ELAVL4: variants seen among roughly 807,000 people sequenced by gnomAD.
The protein encoded by ELAVL4 is ELAV-like protein 4.
In ELAVL4, 1 loss-of-function variant was observed where a neutral mutation model predicts 35.6. The observed-to-expected ratio is 0.03, with a 90% CI of 0.01 to 0.13. The LOEUF is 0.13. ELAVL4 is among the 10% of genes least tolerant of loss of function. ELAVL4 has a pLI of 1.00. For synonymous variants in ELAVL4, 156 were observed against 171.0 expected, an observed-to-expected ratio of 0.91 and a Z score of 0.69; for missense variants, 267 against 464.9, an observed-to-expected ratio of 0.57 and a Z score of 3.91.
At chr1:50,097,284 C>T (rs1440642213) in intron 1 of ELAVL4, among the ~76,000 whole-genome samples, 1 of 152,104 alleles carries the variant, frequency 6.6e-6, no homozygotes, top group Non-Finnish European at 1.5e-5. Flanking sequence ...TGCTACTACC[C>T]CGGCTCTTTC....
intron 1 of ELAVL4, chr1:50,144,649 G>A (rs1673371240): frequency 1.5e-5 from 8 of 546,594 alleles, no homozygotes; most frequent in South Asian, 1.2e-4. Flanking sequence ...TGTGGCTTAA[G>A]TATACATTTC....
chr1:50,117,318 T>C (rs990513125), intron 1 of ELAVL4, among the ~76,000 whole-genome samples: 2 of 152,154 alleles, frequency 1.3e-5, no homozygotes, highest in African/African-American at 4.8e-5. Flanking sequence ...TTATTTCTAC[T>C]AGATACCGCT....
At chr1:50,188,796 G>C (rs1307701425) in intron 3 of ELAVL4, among the ~76,000 whole-genome samples, 1 of 152,236 alleles carries the variant, frequency 6.6e-6, no homozygotes, top group Non-Finnish European at 1.5e-5. Flanking sequence ...ATTCAGAGGA[G>C]TCACTTCTTT....
At chr1:50,164,633 T>C (rs1677414363) in intron 2 of ELAVL4, among the ~76,000 whole-genome samples, 1 of 152,120 alleles carries the variant, frequency 6.6e-6, no homozygotes. Context: ...ATATAAAAAA[T>C]AAAAGAAAGG....
intron 1 of ELAVL4, among the ~76,000 whole-genome samples, chr1:50,067,483 A>G (rs1158760848): frequency 6.6e-6 from 1 of 152,202 alleles, no homozygotes; most frequent in Non-Finnish European, 1.5e-5. Flanking sequence ...GGGAAGATAT[A>G]TGTATGTATA....
At chr1:50,136,334 C>T (rs1671881242) in intron 1 of ELAVL4, among the ~76,000 whole-genome samples, 1 of 152,036 alleles carries the variant, frequency 6.6e-6, no homozygotes, top group Non-Finnish European at 1.5e-5. Flanking sequence ...TTGCATCCAC[C>T]AGAGTCTAAC....
chr1:50,193,120 G>A (rs913081001), intron 3 of ELAVL4, among the ~76,000 whole-genome samples: 2 of 152,052 alleles, frequency 1.3e-5, no homozygotes, highest in Non-Finnish European at 2.9e-5. Context: ...GAGGCGACTG[G>A]TCCTTGCAGA....
intron 2 of ELAVL4, among the ~76,000 whole-genome samples, chr1:50,146,011 A>G (rs1673643490): frequency 1.3e-5 from 2 of 152,350 alleles, no homozygotes; most frequent in South Asian, 2.1e-4. Flanking sequence ...ATTAGGCTAC[A>G]TAATGATGGC....
intron 2 of ELAVL4, among the ~76,000 whole-genome samples, chr1:50,155,289 A>G (rs1318916800): frequency 1.3e-5 from 2 of 150,190 alleles, no homozygotes; most frequent in Non-Finnish European, 2.9e-5. Flanking sequence ...ATGAATGGTG[A>G]CAACTTTGGT....
intron 1 of ELAVL4, among the ~76,000 whole-genome samples, chr1:50,065,799 A>C (rs778995377): frequency 6.6e-6 from 1 of 152,166 alleles, no homozygotes; most frequent in Admixed American, 6.5e-5. Flanking sequence ...TCTGCTGATC[A>C]TGACCAGGTT....
At chr1:50,191,899 AC>A (rs1194080488) in intron 3 of ELAVL4, among the ~76,000 whole-genome samples, 2 of 152,068 alleles carry the variant, frequency 1.3e-5, no homozygotes, top group African/African-American at 2.4e-5. Context: ...AACAAGGGTG[AC>A]CCTCATTGCC....
intron 1 of ELAVL4, among the ~76,000 whole-genome samples, chr1:50,081,869 C>T (rs1169469558): frequency 6.6e-6 from 1 of 152,178 alleles, no homozygotes; most frequent in African/African-American, 2.4e-5. Context: ...GTGATGTTCC[C>T]CTCCCTGTGT....
intron 3 of ELAVL4, among the ~76,000 whole-genome samples, chr1:50,188,813 G>C (rs1251044005): frequency 1.3e-5 from 2 of 152,190 alleles, no homozygotes; most frequent in Non-Finnish European, 2.9e-5. Flanking sequence ...CTTTTCCCTG[G>C]GGAAGAGTGG....
intron 1 of ELAVL4, among the ~76,000 whole-genome samples, chr1:50,082,442 T>C (rs1665049406): frequency 6.6e-6 from 1 of 152,222 alleles, no homozygotes; most frequent in Non-Finnish European, 1.5e-5. Flanking sequence ...GATGCCTTTT[T>C]TCATATGTTT....
upstream of ELAVL4, chr1:50,106,277 A>C: frequency 6.2e-7 from 1 of 1,604,976 alleles, no homozygotes. Context: ...CCGGCGACTG[A>C]TGCTGAGATA....
At chr1:50,138,214 A>G (rs141792976) in intron 1 of ELAVL4, among the ~76,000 whole-genome samples, 154 of 152,310 alleles carry the variant, frequency 1.0e-3, no homozygotes, top group African/African-American at 3.6e-3. Flanking sequence ...CCTATCAAGA[A>G]GTGAAAGAGT....
intron 1 of ELAVL4, among the ~76,000 whole-genome samples, chr1:50,121,571 T>C (rs995495033): frequency 1.3e-5 from 2 of 152,080 alleles, no homozygotes; most frequent in African/African-American, 4.8e-5. Flanking sequence ...TGTTCCTTAC[T>C]TTTTTATTTT....
chr1:50,134,167 T>C (rs942313759), intron 1 of ELAVL4, among the ~76,000 whole-genome samples: 29 of 152,218 alleles, frequency 1.9e-4, no homozygotes, highest in African/African-American at 7.0e-4. Context: ...TAGATCATGA[T>C]ACATATGTGG....
intron 1 of ELAVL4, among the ~76,000 whole-genome samples, chr1:50,117,509 T>C (rs1178218077): frequency 6.6e-6 from 1 of 152,150 alleles, no homozygotes; most frequent in African/African-American, 2.4e-5. Context: ...GTTGGAATCC[T>C]AGCTCTTCCA....
Sources: allele counts gnomAD v4.1 joint callset (sites outside exome capture counted in the v4.1 genomes callset), GRCh38; gene constraint gnomAD v4.1.1; transcripts MANE v1.5; gene names NCBI Gene and HGNC (gene_info 2026-07-23, HGNC 2026-07-21).